P3H2: variants seen among roughly 807,000 people sequenced by gnomAD.
P3H2 encodes prolyl 3-hydroxylase 2, also known as leprecan-like 1.
A neutral mutation model predicts 87.0 loss-of-function variants in P3H2; 80 were observed. That is an observed-to-expected ratio of 0.92 (90% CI 0.77 to 1.11). The LOEUF is 1.11. Ranked by LOEUF, P3H2 falls within the 50% of genes least tolerant of loss-of-function variation. P3H2 has a pLI of 0.00. For synonymous variants in P3H2, 367 were observed against 359.3 expected (o/e 1.02, Z -0.24); for missense variants, 1,001 against 923.9 (o/e 1.08, Z -1.08).
chr3:190,102,405 T>C (rs1156672603), intron 1 of P3H2, among the ~76,000 whole-genome samples: 3 of 152,206 alleles, frequency 2.0e-5, no homozygotes, highest in Non-Finnish European at 4.4e-5. Context: ...AATTTCAACA[T>C]TAACAGAAGT....
chr3:190,048,229 T>C (rs1719634), intron 1 of P3H2, among the ~76,000 whole-genome samples: 124,436 of 152,208 alleles, frequency 0.82, 51,061 homozygotes, highest in East Asian at 0.88. Context: ...GGTGTGGTGG[T>C]TGACACCTGT....
intron 1 of P3H2, among the ~76,000 whole-genome samples, chr3:190,104,865 T>C (rs710589): frequency 0.46 from 70,271 of 152,082 alleles, 18,928 homozygotes; most frequent in African/African-American, 0.76. Flanking sequence ...TCCATGCATG[T>C]GTGTTCTGGC....
At chr3:189,966,106 AAAG>A (rs1722978625) in intron 13 of P3H2, among the ~76,000 whole-genome samples, 1 of 86,282 alleles carries the variant, frequency 1.2e-5, no homozygotes, top group Non-Finnish European at 2.3e-5. Flanking sequence ...AAGAAAGAAA[AAAG>A]AAAGAAAGAA....
intron 1 of P3H2, among the ~76,000 whole-genome samples, chr3:190,108,623 C>T (rs915099868): frequency 5.9e-5 from 9 of 151,906 alleles, no homozygotes; most frequent in African/African-American, 1.7e-4. Flanking sequence ...CTGTTTATTA[C>T]GTTAATTAAT....
intron 7 of P3H2, 113 bp downstream of exon 7, chr3:189,984,437 T>C: frequency 1.2e-6 from 1 of 861,288 alleles, no homozygotes; most frequent in Non-Finnish European, 2.0e-6. Context: ...GAGCTTAGAA[T>C]TATTTTATTA....
At chr3:190,015,286 A>G (rs1724716362) in intron 1 of P3H2, among the ~76,000 whole-genome samples, 1 of 152,182 alleles carries the variant, frequency 6.6e-6, no homozygotes, top group Non-Finnish European at 1.5e-5. Flanking sequence ...TTTTAAGATG[A>G]CTTCCAGTTT....
chr3:190,121,057 C>G (rs371104396), upstream of P3H2: 129 of 350,842 alleles, frequency 3.7e-4, 2 homozygotes, highest in South Asian at 6.8e-3. Context: ...GCTAGCGCCG[C>G]TTGAGGCCGG....
At position 190,080,815 on chromosome 3, in the gene P3H2, G is replaced by C. The variant is rs145020707; in HGVS notation, c.480+39437C>G. ...AACATATGGCAACATCTGTAGTGGA[G>C]ACATGAAAGAGAATGAAATAAAAAT... On this transcript the variant is annotated intron_variant, in intron 1 of 14. Coordinates refer to ENST00000319332, the MANE Select transcript of P3H2 (RefSeq NM_018192.4). Among the ~76,000 whole-genome samples, 21 of 152,266 alleles carry C rather than the reference G, an allele frequency of 1.4e-4. No individual in the cohort carries two copies. The East Asian group carries it at 3.9e-3, about 28-fold the overall frequency.
chr3:190,097,352 T>C (rs1035183702), intron 1 of P3H2, among the ~76,000 whole-genome samples: 3 of 152,166 alleles, frequency 2.0e-5, no homozygotes, highest in African/African-American at 7.2e-5. Context: ...TCCCATATAT[T>C]TGAAAATCAG....
chr3:190,074,634 A>T (rs893431198), intron 1 of P3H2, among the ~76,000 whole-genome samples: 2 of 152,238 alleles, frequency 1.3e-5, no homozygotes, highest in Non-Finnish European at 2.9e-5. Flanking sequence ...TAGATTTATT[A>T]CAGACCCAGT....
chr3:190,032,626 T>G (rs982644977), intron 1 of P3H2, among the ~76,000 whole-genome samples: 1 of 152,106 alleles, frequency 6.6e-6, no homozygotes, highest in Non-Finnish European at 1.5e-5. Flanking sequence ...ATTTAGAGCT[T>G]TGGATTTGTA....
At chr3:189,960,741 A>G (rs1722786226) in intron 14 of P3H2, among the ~76,000 whole-genome samples, 1 of 152,358 alleles carries the variant, frequency 6.6e-6, no homozygotes, top group Admixed American at 6.5e-5. Flanking sequence ...GGTCTTTAAC[A>G]CAGTGCCTGC....
chr3:190,082,506 C>T (rs951519290), intron 1 of P3H2, among the ~76,000 whole-genome samples: 15 of 152,140 alleles, frequency 9.9e-5, no homozygotes, highest in Middle Eastern at 3.2e-3. Context: ...GTAGAACAAT[C>T]AAGTCAGGGT....
chr3:190,119,617 G>A (rs777748078), intron 1 of P3H2, among the ~76,000 whole-genome samples: 1 of 152,186 alleles, frequency 6.6e-6, no homozygotes, highest in Non-Finnish European at 1.5e-5. Flanking sequence ...TCTATCAAAG[G>A]AGAAAAAGTC....
chr3:190,015,387 G>GA (rs983452469), intron 1 of P3H2, among the ~76,000 whole-genome samples: 9 of 152,090 alleles, frequency 5.9e-5, no homozygotes, highest in African/African-American at 9.7e-5. Flanking sequence ...ACTAAATTGT[G>GA]AAAAAATGTA....
intron 1 of P3H2, among the ~76,000 whole-genome samples, chr3:190,004,451 C>G (rs1033801215): frequency 2.0e-5 from 3 of 152,052 alleles, no homozygotes; most frequent in Admixed American, 1.3e-4. Context: ...GGCGGGATCT[C>G]GGCTCACTGC....
intron 1 of P3H2, among the ~76,000 whole-genome samples, chr3:190,030,848 G>C (rs7629832): frequency 4.6e-5 from 7 of 152,170 alleles, no homozygotes; most frequent in Admixed American, 3.9e-4. Flanking sequence ...GTCAATTAAT[G>C]AGAATATTAC....
intron 8 of P3H2, among the ~76,000 whole-genome samples, chr3:189,978,692 GA>G (rs895660629): frequency 3.9e-4 from 54 of 138,818 alleles, no homozygotes; most frequent in East Asian, 6.2e-4. Flanking sequence ...CTAACCAAAG[GA>G]AAAAAAAAAA....
At chr3:190,030,298 G>T (rs1048414412) in intron 1 of P3H2, among the ~76,000 whole-genome samples, 1 of 152,192 alleles carries the variant, frequency 6.6e-6, no homozygotes, top group Non-Finnish European at 1.5e-5. Context: ...TTTGGCTGGG[G>T]TGGTGGTAAA....
Sources: allele counts gnomAD v4.1 joint callset (sites outside exome capture counted in the v4.1 genomes callset), GRCh38; gene constraint gnomAD v4.1.1; transcripts MANE v1.5; gene names NCBI Gene and HGNC (gene_info 2026-07-23, HGNC 2026-07-21).